Variants in DOCK1 observed in about 807,000 individuals in gnomAD.
DOCK1 encodes dedicator of cytokinesis 1, also known as dedicator of cytokinesis protein 1.
In DOCK1, 138 loss-of-function variants were observed where a neutral mutation model predicts 262.7. That is an observed-to-expected ratio of 0.53 (90% CI 0.46 to 0.61). The LOEUF is 0.61. DOCK1 is among the 20% of genes least tolerant of loss of function. The pLI is 0.00. For synonymous variants in DOCK1, 866 were observed against 867.4 expected, an observed-to-expected ratio of 1.00 and a Z score of 0.03; for missense variants, 1,908 against 2,370.7, an observed-to-expected ratio of 0.80 and a Z score of 4.05.
chr10:127,051,200 T>G (rs2044700217), intron 21 of DOCK1, among the ~76,000 whole-genome samples: 1 of 151,984 alleles, frequency 6.6e-6, no homozygotes, highest in African/African-American at 2.4e-5. Context: ...TACTTGATTT[T>G]AGATCCCAAT....
intron 27 of DOCK1, among the ~76,000 whole-genome samples, chr10:127,173,731 C>T (rs2054799039): frequency 6.6e-6 from 1 of 152,156 alleles, no homozygotes; most frequent in South Asian, 2.1e-4. Context: ...CAGTAAATCA[C>T]TGGTCTCCCC....
intron 32 of DOCK1, among the ~76,000 whole-genome samples, chr10:127,359,925 G>T (rs1361863921): frequency 2.6e-5 from 4 of 152,074 alleles, no homozygotes; most frequent in Admixed American, 6.6e-5. Flanking sequence ...TTAAAATACT[G>T]CACATATTTT....
rs564025936 is a variant in DOCK1 at position 127,160,350 on chromosome 10, T to C, written c.2847+32586T>C. On this transcript the variant is annotated intron_variant, in intron 27 of 51. Transcript: ENST00000623213. ...ACTGTTTCCTTCATAAGATCTTAAA[T>C]TCTCAATGGAAAGTTCTCTTCTCAC... Among the ~76,000 whole-genome samples, 9 of 152,306 alleles carry C rather than the reference T, an allele frequency of 5.9e-5. No individual in the cohort carries two copies. In the South Asian group the frequency reaches 1.9e-3, roughly 32 times the overall value.
intron 28 of DOCK1, among the ~76,000 whole-genome samples, 165 bp from the exon 29 acceptor site, chr10:127,257,166 CAGAA>C (rs1467168865): frequency 7.9e-5 from 12 of 152,156 alleles, no homozygotes; most frequent in African/African-American, 2.9e-4. Flanking sequence ...CTCAGGTAAA[CAGAA>C]AGACAGGTCT....
At chr10:127,138,951 C>G (rs142781759) in intron 27 of DOCK1, among the ~76,000 whole-genome samples, 1 of 152,272 alleles carries the variant, frequency 6.6e-6, no homozygotes, top group African/African-American at 2.4e-5. Flanking sequence ...ATAGGACCCC[C>G]GGTCCATGCA....
intron 13 of DOCK1, among the ~76,000 whole-genome samples, chr10:127,020,407 T>G (rs2042327626): frequency 6.6e-6 from 1 of 151,992 alleles, no homozygotes; most frequent in Non-Finnish European, 1.5e-5. Context: ...AAACTAAGTC[T>G]AGGCCCGGCG....
rs1237936498 is a variant in DOCK1, at chr10:127,110,314, C to T, written c.2583C>T (p.Cys861=). Reference sequence around the variant, plus strand: ...TGCTGACCATCCAGAAACTCTACTGCTTGATCGAAATCGTCCACAGTGACC... The same window carrying T: ...TGCTGACCATCCAGAAACTCTACTGTTTGATCGAAATCGTCCACAGTGACC... ...MGLLTIQKLY[C]LIEIVHSDLF... Residue 861 remains cysteine (C), a synonymous_variant, in exon 25 of 52, where the codon TGC becomes TGT. Transcript: ENST00000623213. 3 of 1,613,516 alleles carry T rather than the reference C, an allele frequency of 1.9e-6. No individual in the cohort carries two copies. The highest frequency in any genetic ancestry group is 2.5e-6 in the Non-Finnish European group (3 of 1,179,768).
At chr10:127,004,890 T>G (rs2040897227) in intron 10 of DOCK1, among the ~76,000 whole-genome samples, 1 of 152,084 alleles carries the variant, frequency 6.6e-6, no homozygotes, top group Non-Finnish European at 1.5e-5. Flanking sequence ...ACTCAGTGAC[T>G]GGCAGTTTGC....
intron 22 of DOCK1, among the ~76,000 whole-genome samples, chr10:127,061,159 C>T (rs553399302): frequency 7.0e-4 from 106 of 152,158 alleles, no homozygotes; most frequent in Admixed American, 2.6e-3. Context: ...ACCCAGGAAG[C>T]GGTGGTTGCA....
intron 1 of DOCK1, among the ~76,000 whole-genome samples, chr10:126,963,673 C>CCTTCCTTCCTTCCTTCCTTCCTT (rs2037453675): frequency 1.2e-5 from 1 of 82,460 alleles, no homozygotes; most frequent in African/African-American, 4.9e-5. Context: ...CTTCCTTCCT[C>CCTTCCTTCCTTCCTTCCTTCCTT]CCTCCCTTCC....
At chr10:127,010,592 C>T (rs761334011) in intron 11 of DOCK1, among the ~76,000 whole-genome samples, 3 of 152,314 alleles carry the variant, frequency 2.0e-5, no homozygotes, top group South Asian at 2.1e-4. Flanking sequence ...ATACATAGCA[C>T]ATCTCCAGCA....
intron 27 of DOCK1, among the ~76,000 whole-genome samples, chr10:127,161,114 C>T (rs561452273): frequency 2.8e-4 from 43 of 152,316 alleles, no homozygotes; most frequent in African/African-American, 9.9e-4. Context: ...TAAGGTCTCA[C>T]CAGGAGTTTG....
chr10:127,270,875 G>A (rs573961453), intron 29 of DOCK1, among the ~76,000 whole-genome samples: 5 of 152,068 alleles, frequency 3.3e-5, no homozygotes, highest in Admixed American at 1.3e-4. Flanking sequence ...TGTTAAACTC[G>A]CCTTTCCTTA....
intron 23 of DOCK1, among the ~76,000 whole-genome samples, chr10:127,090,109 G>A (rs2047428760): frequency 6.6e-6 from 1 of 152,146 alleles, no homozygotes; most frequent in South Asian, 2.1e-4. Context: ...ACACTGGGAT[G>A]CTTCTCCTTT....
At chr10:127,195,790 G>A (rs535464042) in intron 27 of DOCK1, among the ~76,000 whole-genome samples, 5 of 152,170 alleles carry the variant, frequency 3.3e-5, no homozygotes, top group Non-Finnish European at 5.9e-5. Context: ...GCATAACCTT[G>A]CCCCCCACCT....
chr10:126,908,207 G>A (rs2031229226), intron 1 of DOCK1, among the ~76,000 whole-genome samples: 1 of 152,222 alleles, frequency 6.6e-6, no homozygotes, highest in Admixed American at 6.5e-5. Flanking sequence ...TGCAGTGGGA[G>A]GATTTTAGTG....
intron 27 of DOCK1, among the ~76,000 whole-genome samples, chr10:127,206,439 C>T (rs551124001): frequency 5.9e-5 from 9 of 152,236 alleles, no homozygotes; most frequent in East Asian, 1.9e-4. Context: ...CCACCGCGCC[C>T]GGCCTACTGT....
intron 29 of DOCK1, among the ~76,000 whole-genome samples, chr10:127,275,630 G>T (rs975284650): frequency 3.3e-5 from 5 of 152,118 alleles, no homozygotes; most frequent in Non-Finnish European, 7.4e-5. Flanking sequence ...GATGGAGGAG[G>T]TTCATGAGGG....
At chr10:127,425,027 C>T (rs2068732852) in intron 46 of DOCK1, among the ~76,000 whole-genome samples, 1 of 151,866 alleles carries the variant, frequency 6.6e-6, no homozygotes, top group Admixed American at 6.6e-5. Context: ...CAATTGTGTA[C>T]TTATTATCGT....
Sources: gnomAD v4.1 joint callset for allele counts (sites outside exome capture counted in the v4.1 genomes callset) on GRCh38, gnomAD v4.1.1 for gene constraint, MANE v1.5 for transcripts, NCBI Gene and HGNC (gene_info 2026-07-23, HGNC 2026-07-21) for gene names.